The following NCAM2 variants were observed in gnomAD, a reference collection of about 807,000 sequenced individuals.
The protein encoded by NCAM2 is N-CAM-2.
NCAM2 carries 30 observed loss-of-function variants against 98.1 expected under a neutral mutation model. The observed-to-expected ratio is 0.31, with a 90% CI of 0.23 to 0.41. The LOEUF is 0.41. NCAM2 is among the 10% of genes least tolerant of loss of function. NCAM2 has a pLI of 1.00. For synonymous variants in NCAM2, 368 were observed against 342.4 expected (o/e 1.07, Z -0.83); for missense variants, 867 against 1,005.8 (o/e 0.86, Z 1.87).
At chr21:21,364,403 T>A (rs232500) in intron 8 of NCAM2, among the ~76,000 whole-genome samples, 54,210 of 151,568 alleles carry the variant, frequency 0.36, 9,867 homozygotes, top group East Asian at 0.58. Flanking sequence ...TGACAAATAA[T>A]GCATATGAAT....
chr21:21,429,991 T>G (rs1440376305), intron 11 of NCAM2, among the ~76,000 whole-genome samples: 2 of 151,936 alleles, frequency 1.3e-5, no homozygotes, highest in African/African-American at 4.8e-5. Context: ...GCAAAAAGAG[T>G]ACATTTGACT....
At chr21:21,407,850 G>T (rs1283911593) in intron 9 of NCAM2, among the ~76,000 whole-genome samples, 2 of 152,070 alleles carry the variant, frequency 1.3e-5, no homozygotes, top group Non-Finnish European at 2.9e-5. Context: ...TAAAGATATA[G>T]ACGTAAACTT....
chr21:21,308,070 T>TACAC (rs71195319), intron 5 of NCAM2, among the ~76,000 whole-genome samples: 2,884 of 150,894 alleles, frequency 0.019, 94 homozygotes, highest in East Asian at 0.15. Context: ...CATACACACA[T>TACAC]ACACACACAC....
intron 1 of NCAM2, among the ~76,000 whole-genome samples, chr21:21,085,492 G>A (rs1458233240): frequency 6.6e-6 from 1 of 151,980 alleles, no homozygotes; most frequent in East Asian, 1.9e-4. Flanking sequence ...CGTTTTGCTT[G>A]ACTTCTCACT....
intron 1 of NCAM2, among the ~76,000 whole-genome samples, chr21:21,272,484 A>G (rs918527240): frequency 7.9e-6 from 1 of 127,316 alleles, no homozygotes; most frequent in Non-Finnish European, 1.6e-5. Context: ...AAACACGCAC[A>G]CATACACACA....
intron 15 of NCAM2, among the ~76,000 whole-genome samples, chr21:21,478,713 G>A (rs2146266334): frequency 6.6e-6 from 1 of 152,156 alleles, no homozygotes; most frequent in African/African-American, 2.4e-5. Context: ...ACATTTTAAG[G>A]ACTTTTTTTA....
At chr21:21,522,198 T>A (rs866608372) in intron 16 of NCAM2, among the ~76,000 whole-genome samples, 14 of 148,166 alleles carry the variant, frequency 9.4e-5, no homozygotes, top group Middle Eastern at 3.6e-3. Context: ...ATGCTATATA[T>A]ATGAATATGA....
intron 5 of NCAM2, among the ~76,000 whole-genome samples, chr21:21,305,510 A>T (rs1010988925): frequency 3.3e-5 from 5 of 152,052 alleles, no homozygotes; most frequent in African/African-American, 1.2e-4. Context: ...CAGGGCATTC[A>T]TTCTTTTAAT....
intron 1 of NCAM2, among the ~76,000 whole-genome samples, chr21:21,192,766 C>T (rs2068865166): frequency 6.6e-6 from 1 of 152,094 alleles, no homozygotes; most frequent in African/African-American, 2.4e-5. Flanking sequence ...AGACATGGTT[C>T]TAGCATGGGA....
At chr21:21,128,962 A>T (rs2146603832) in intron 1 of NCAM2, among the ~76,000 whole-genome samples, 1 of 152,312 alleles carries the variant, frequency 6.6e-6, no homozygotes, top group East Asian at 1.9e-4. Context: ...CCAAAGAATG[A>T]ATGAGCAGAA....
At chr21:21,297,480 C>T (rs1406857018) in intron 5 of NCAM2, among the ~76,000 whole-genome samples, 9 of 151,842 alleles carry the variant, frequency 5.9e-5, no homozygotes, top group Admixed American at 4.6e-4. Context: ...TTGTTTCACT[C>T]TGACATACTA....
intron 1 of NCAM2, among the ~76,000 whole-genome samples, chr21:21,186,292 T>G (rs899171023): frequency 6.6e-6 from 1 of 152,192 alleles, no homozygotes; most frequent in African/African-American, 2.4e-5. Context: ...AAATTTGTGC[T>G]TTGATTTGGC....
chr21:21,524,548 G>T (rs1354073789), intron 16 of NCAM2, among the ~76,000 whole-genome samples: 1 of 151,488 alleles, frequency 6.6e-6, no homozygotes. Context: ...AAGGGGGTGT[G>T]GGGGGAGAAT....
chr21:21,061,522 T>G (rs2065321285), intron 1 of NCAM2, among the ~76,000 whole-genome samples: 2 of 152,176 alleles, frequency 1.3e-5, no homozygotes. Context: ...GAAGCCCCTT[T>G]GATTGATAAC....
chr21:21,100,653 A>C (rs927133523), intron 1 of NCAM2, among the ~76,000 whole-genome samples: 1 of 152,066 alleles, frequency 6.6e-6, no homozygotes, highest in Non-Finnish European at 1.5e-5. Context: ...AATTTCTAAC[A>C]CTTGAGTCTA....
chr21:21,105,615 G>C (rs1414307488), intron 1 of NCAM2, among the ~76,000 whole-genome samples: 2 of 152,078 alleles, frequency 1.3e-5, no homozygotes, highest in African/African-American at 4.8e-5. Context: ...AATTTCATTA[G>C]TATTGGCAAA....
chr21:21,249,091 A>G (rs1361712682), intron 1 of NCAM2, among the ~76,000 whole-genome samples: 1 of 152,176 alleles, frequency 6.6e-6, no homozygotes, highest in Non-Finnish European at 1.5e-5. Flanking sequence ...TAGTAATAAA[A>G]TAATAATAAT....
chr21:21,256,235 A>G (rs1260008625), intron 1 of NCAM2, among the ~76,000 whole-genome samples: 2 of 152,032 alleles, frequency 1.3e-5, no homozygotes, highest in East Asian at 3.9e-4. Context: ...GGGCGCCTGT[A>G]ATCCTAGCAA....
chr21:21,071,872 TATC>T (rs2146366811), intron 1 of NCAM2, among the ~76,000 whole-genome samples: 1 of 7,204 alleles, frequency 1.4e-4, no homozygotes, highest in East Asian at 2.5e-3. Flanking sequence ...CATGTCTGCC[TATC>T]TATCTATCTA....
Sources: gnomAD v4.1 joint callset for allele counts (sites outside exome capture counted in the v4.1 genomes callset) on GRCh38, gnomAD v4.1.1 for gene constraint, MANE v1.5 for transcripts, NCBI Gene and HGNC (gene_info 2026-07-23, HGNC 2026-07-21) for gene names.